The following EHF variants were observed in gnomAD, a reference collection of about 807,000 sequenced individuals.
EHF encodes ETS homologous factor.
In EHF, 14 loss-of-function variants were observed where a neutral mutation model predicts 45.1. The observed-to-expected ratio is 0.31, with a 90% confidence interval of 0.21 to 0.49. The LOEUF is 0.49. EHF is among the 20% of genes least tolerant of loss of function. The pLI is 0.99. For missense variants in EHF, 282 were observed against 371.4 expected, an observed-to-expected ratio of 0.76 and a Z score of 1.98; for synonymous variants, 136 against 131.8, an observed-to-expected ratio of 1.03 and a Z score of -0.22.
In EHF at chr11:34,663,226, A is replaced by G. The variant is rs910153253; in HGVS notation, c.*4295A>G. Among the ~76,000 whole-genome samples the G allele has an allele frequency of 2.0e-5, 3 of 152,156 alleles. No individual in the cohort carries two copies. Among genetic ancestry groups the G allele is most frequent in the African/African-American group, 7.2e-5 (3 of 41,452 alleles). On this transcript the variant is annotated 3_prime_UTR_variant, in exon 9 of 9. Transcript: ENST00000257831. ...GTCAAAGAATTATATTTTTCAAAAT[A>G]TGTTTATTTGTTTGATGGGTCCCAG... is the stretch of plus-strand genomic sequence containing the variant.
At chr11:34,651,439 C>T (rs1377289180) in intron 4 of EHF, 103 bp from the exon 5 acceptor site, 3 of 913,496 alleles carry the variant, frequency 3.3e-6, no homozygotes, top group African/African-American at 1.6e-5. Context: ...AGGACCACTC[C>T]TCACCCCCCA....
chr11:34,646,302 C>T (rs1590499361), intron 2 of EHF, 137 bp from the exon 3 acceptor site: 1 of 1,378,688 alleles, frequency 7.3e-7, no homozygotes, highest in African/African-American at 1.4e-5. Flanking sequence ...CACTTCTGCT[C>T]CATCACCCAT....
At chr11:34,622,565 A>G (rs1852055911) in intron 1 of EHF, 2 of 281,728 alleles carry the variant, frequency 7.1e-6, no homozygotes, top group East Asian at 1.3e-4. Flanking sequence ...CATGGCTAGG[A>G]GATACTATCA....
At chr11:34,654,738 A>T (rs1855507683) in intron 6 of EHF, among the ~76,000 whole-genome samples, 1 of 152,016 alleles carries the variant, frequency 6.6e-6, no homozygotes, top group Non-Finnish European at 1.5e-5. Flanking sequence ...TTTTTTTCTG[A>T]GGAGAGGGTC....
intron 2 of EHF, among the ~76,000 whole-genome samples, 166 bp downstream of exon 2, chr11:34,642,893 G>A (rs985464840): frequency 3.3e-5 from 5 of 152,184 alleles, no homozygotes; most frequent in Non-Finnish European, 7.3e-5. Context: ...AGCCCCCAGC[G>A]TTCCAGACAA....
At chr11:34,648,244 G>T (rs1409278920) in intron 3 of EHF, among the ~76,000 whole-genome samples, 1 of 152,142 alleles carries the variant, frequency 6.6e-6, no homozygotes, top group Non-Finnish European at 1.5e-5. Flanking sequence ...TTTTACAGGT[G>T]GGAAGACTGA....
chr11:34,649,120 C>A, intron 4 of EHF, 39 bp downstream of exon 4: 1 of 1,607,404 alleles, frequency 6.2e-7, no homozygotes. Flanking sequence ...CCTAGCCTGG[C>A]AAAGCTCCGG....
chr11:34,642,829 A>C, intron 2 of EHF, 102 bp downstream of exon 2: 1 of 845,264 alleles, frequency 1.2e-6, no homozygotes, highest in South Asian at 1.6e-5. Context: ...GCTTTACAGC[A>C]GAAGATGTGG....
At chr11:34,636,888 G>A (rs1479339058) in intron 1 of EHF, among the ~76,000 whole-genome samples, 1 of 152,128 alleles carries the variant, frequency 6.6e-6, no homozygotes, top group African/African-American at 2.4e-5. Flanking sequence ...AATTAGCCGG[G>A]CGTGGTGGTG....
chr11:34,637,259 C>T (rs1276600294), intron 1 of EHF, among the ~76,000 whole-genome samples: 2 of 152,098 alleles, frequency 1.3e-5, no homozygotes, highest in African/African-American at 4.8e-5. Context: ...CTTCATGGGT[C>T]CAGGCTGTGC....
rs1301977501 is a variant in EHF, at chr11:34,649,069, A to T, written c.394A>T (p.Thr132Ser). ...GTCCACACACAATGTCATTGTCAAG[A>T]CTGAACAAACTGGTGAGTAGTAGTG... ...FQSTHNVIVKTEQTEPSIMNT... is the reference protein window; with the variant it reads ...FQSTHNVIVKSEQTEPSIMNT... Residue 132 changes from threonine (T) to serine (S), a missense_variant, in exon 4 of 9, where the codon ACT (threonine) becomes TCT (serine). This residue lies in a region of EHF where 213 missense variants were observed against 247.3 expected (regional missense o/e 0.86). Transcript: ENST00000257831. 1 of 1,613,912 alleles carries T rather than the reference A, an allele frequency of 6.2e-7. No individual in the cohort carries two copies. Among genetic ancestry groups the T allele is most frequent in the South Asian group, 1.1e-5 (1 of 91,060 alleles).
Position 34,651,592 on chromosome 11 carries a change from A to G in EHF, c.457A>G (p.Asn153Asp). Reference sequence around the variant, plus strand: ...AGACGAGAACTATTTATATGACACCAACTATGGTAGCACAGTAGGTAACTA... The same window carrying G: ...AGACGAGAACTATTTATATGACACCGACTATGGTAGCACAGTAGGTAACTA... ...WKDENYLYDT[N>D]YGSTVDLLDS... The change falls in exon 5 of 9, where the codon AAC becomes GAC. Residue 153 changes from asparagine to aspartate, a missense_variant. By Grantham distance (23) the Asn-to-Asp change is conservative (BLOSUM62 1). Around this residue, in one of 3 missense-constraint regions of EHF, gnomAD observed 213 missense variants for 247.3 expected, o/e 0.86. Transcript: ENST00000257831. 4 of 1,613,772 alleles carry G rather than the reference A, an allele frequency of 2.5e-6. No individual in the cohort carries two copies. The highest frequency in any genetic ancestry group is 3.4e-6 in the Non-Finnish European group (4 of 1,179,664).
At chr11:34,626,948 T>C (rs755595966) in intron 1 of EHF, among the ~76,000 whole-genome samples, 33 of 152,188 alleles carry the variant, frequency 2.2e-4, no homozygotes, top group Non-Finnish European at 3.8e-4. Context: ...TGGGCTGTTG[T>C]AAAGATTAAA....
chr11:34,658,787 A>G, intron 8 of EHF, 45 bp from the exon 9 acceptor site: 1 of 1,606,646 alleles, frequency 6.2e-7, no homozygotes. Context: ...TTTACCTAGC[A>G]ACCTTCATCG....
At chr11:34,627,290 A>C (rs1370580281) in intron 1 of EHF, among the ~76,000 whole-genome samples, 5 of 152,168 alleles carry the variant, frequency 3.3e-5, no homozygotes, top group Non-Finnish European at 4.4e-5. Flanking sequence ...TGCAAACCAC[A>C]ACCAAGGAGG....
chr11:34,630,518 T>C (rs1852777415), intron 1 of EHF, among the ~76,000 whole-genome samples: 1 of 152,328 alleles, frequency 6.6e-6, no homozygotes. Context: ...AGATGGGGGC[T>C]GTTGCTCTTT....
At chr11:34,653,024 G>T (rs182169506) in intron 6 of EHF, among the ~76,000 whole-genome samples, 1 of 152,162 alleles carries the variant, frequency 6.6e-6, no homozygotes. Context: ...AGCCAACCGG[G>T]GTAAAATTTC....
chr11:34,646,140 T>G (rs1854510766), intron 2 of EHF, among the ~76,000 whole-genome samples: 1 of 151,124 alleles, frequency 6.6e-6, no homozygotes, highest in Admixed American at 6.6e-5. Context: ...GTATGGACAA[T>G]AAGCTAATAA....
intron 6 of EHF, among the ~76,000 whole-genome samples, chr11:34,656,069 CACACACACATAT>C (rs1855639361): frequency 6.6e-6 from 1 of 151,996 alleles, no homozygotes; most frequent in African/African-American, 2.4e-5. Context: ...CACACACACA[CACACACACATAT>C]ACACACACAC....
Sources: allele counts gnomAD v4.1 joint callset (sites outside exome capture counted in the v4.1 genomes callset), GRCh38; gene constraint gnomAD v4.1.1; regional missense constraint gnomAD v4.1.1; transcripts MANE v1.5; gene names NCBI Gene and HGNC (gene_info 2026-07-23, HGNC 2026-07-21).